MLXIP: variants seen among roughly 807,000 people sequenced by gnomAD.
The protein encoded by MLXIP is MLX interacting protein.
A neutral mutation model predicts 87.2 loss-of-function variants in MLXIP; 30 were observed. The observed-to-expected ratio is 0.34, with a 90% CI of 0.26 to 0.47. The LOEUF is 0.47. MLXIP is among the 20% of genes least tolerant of loss of function. The pLI, the probability that MLXIP is intolerant of heterozygous loss-of-function variation, is 1.00. For missense variants in MLXIP, 1,002 were observed against 1,240.1 expected, an observed-to-expected ratio of 0.81 and a Z score of 2.88; for synonymous variants, 530 against 514.0, an observed-to-expected ratio of 1.03 and a Z score of -0.42.
At position 122,133,931 on chromosome 12, in the gene MLXIP, C is replaced by G; in HGVS notation, c.1676C>G (p.Pro559Arg). The G allele has an allele frequency of 6.2e-7, 1 of 1,608,014 alleles. No individual in the cohort carries two copies. Among genetic ancestry groups the G allele is most frequent in the Admixed American group, 1.7e-5 (1 of 59,266 alleles). ...CCTAAGCAGCCCCACAAAATAGTGC[C>G]TGCTCCCAAACCAGAGCCCGTGTCC... ...GRPKQPHKIV[P>R]APKPEPVSLV... is the part of the protein sequence containing the mutation. The change falls in exon 9 of 17, where the codon CCT becomes CGT. Residue 559 changes from proline to arginine, a missense_variant. Pro to Arg is a moderately radical substitution (Grantham distance 103, BLOSUM62 -2). Coordinates refer to ENST00000319080, the MANE Select transcript of MLXIP (RefSeq NM_014938.6). The surrounding 1 kb of genome is among the most constrained non-coding windows in gnomAD (Gnocchi z 4.9).
chr12:122,141,148 T>A (rs1953195103), intron 16 of MLXIP, 65 bp downstream of exon 16: 1 of 1,536,328 alleles, frequency 6.5e-7, no homozygotes, highest in African/African-American at 1.4e-5. Context: ...AGCCCCAGGC[T>A]GAGGACAGTA....
In MLXIP at chr12:122,145,761, C is replaced by T. The variant is rs1187208172; in HGVS notation, c.*3949C>T. The T allele has an allele frequency of 1.3e-5, 2 of 152,566 alleles. No homozygotes were observed. Among genetic ancestry groups the T allele is most frequent in the East Asian group, 3.8e-4 (2 of 5,196 alleles). The allele number at this position is 152,566 out of a possible 1,614,324, so 9.5% of individuals were successfully genotyped here. A position where few individuals can be genotyped will look rare whatever the true frequency, so the allele number is the denominator to read the frequency against. On this transcript the variant is annotated 3_prime_UTR_variant, in exon 17 of 17. Coordinates refer to ENST00000319080, the MANE Select transcript of MLXIP (RefSeq NM_014938.6). ...GGGCCTGTCCCGGGCCAGTGGACCC[C>T]TGTGTGTGGGGGATTTGGGGTGCTG...
At chr12:122,093,941 G>GT (rs1263180563) in intron 1 of MLXIP, among the ~76,000 whole-genome samples, 3 of 132,306 alleles carry the variant, frequency 2.3e-5, no homozygotes, top group Non-Finnish European at 3.2e-5. Context: ...GTGGTGTGTG[G>GT]GGTGTGTTGG....
intron 1 of MLXIP, among the ~76,000 whole-genome samples, chr12:122,092,059 CCTTT>C (rs778673235): frequency 1.3e-5 from 2 of 151,756 alleles, no homozygotes; most frequent in African/African-American, 2.4e-5. Flanking sequence ...TTTTTTTTCC[CCTTT>C]CTTTTTCTTT....
At position 122,093,609 on chromosome 12, in the gene MLXIP, GGT is replaced by G. The variant is rs1444846809; in HGVS notation, c.413+14353_413+14354del. 8.4e-5 allele frequency among the ~76,000 whole-genome samples: 11 copies of G among 130,390 alleles called. 1 individual carries two copies. The highest frequency in any genetic ancestry group is 5.2e-4 in the South Asian group (2 of 3,840). 85.5% of individuals were successfully genotyped at this position (130,390 alleles called of 152,430 possible). A position where few individuals can be genotyped will look rare whatever the true frequency, so the allele number is the denominator to read the frequency against. ...GTTGGTGTGTATGGTGTGTGTTTGT[GGT>G]GTGTGTGTGGTGTGTGTGTTGGTGT... On this transcript the variant is annotated intron_variant, in intron 1 of 16. Transcript: ENST00000319080.
At chr12:122,141,217 C>A in intron 16 of MLXIP, 134 bp downstream of exon 16, 1 of 1,318,608 alleles carries the variant, frequency 7.6e-7, no homozygotes, top group Non-Finnish European at 1.0e-6. Context: ...CAGTGCTGTC[C>A]AGGAGGTCCT....
chr12:122,103,984 A>G (rs1234054175), intron 1 of MLXIP, among the ~76,000 whole-genome samples: 1 of 152,070 alleles, frequency 6.6e-6, no homozygotes, highest in East Asian at 1.9e-4. Flanking sequence ...CAAATTGTAC[A>G]CTTCAAATGA....
chr12:122,094,246 TTGGTG>T (rs1952306409), intron 1 of MLXIP, among the ~76,000 whole-genome samples: 2 of 89,502 alleles, frequency 2.2e-5, no homozygotes, highest in South Asian at 8.2e-4. Context: ...TGGTGTGGTA[TTGGTG>T]TGTGTGTTGG....
chr12:122,107,781 G>A (rs1001782556), intron 1 of MLXIP, among the ~76,000 whole-genome samples: 5 of 152,094 alleles, frequency 3.3e-5, no homozygotes, highest in East Asian at 3.9e-4. Flanking sequence ...TGTCTTTTCC[G>A]AGTTGGCCCT....
Position 122,133,123 on chromosome 12 carries a change from C to T in MLXIP, c.1093-225C>T. ...TAGCCAGCTGTGTGAGGGCCGTTGC[C>T]TTATCTGAGCTCTGAGTTATTTAGT... On this transcript the variant is annotated intron_variant, in intron 8 of 16. Transcript: ENST00000319080. This position sits in a 1 kb window ranked among gnomAD's most constrained non-coding sequence, Gnocchi z 4.9. 1 of 476,178 alleles carries T rather than the reference C, an allele frequency of 2.1e-6. No homozygotes were observed. Among genetic ancestry groups the T allele is most frequent in the Non-Finnish European group, 3.6e-6 (1 of 276,610 alleles). 29.5% of individuals were successfully genotyped at this position (476,178 alleles called of 1,614,324 possible). A position where few individuals can be genotyped will look rare whatever the true frequency, so the allele number is the denominator to read the frequency against.
intron 1 of MLXIP, among the ~76,000 whole-genome samples, chr12:122,097,850 C>CT (rs1476871265): frequency 6.6e-6 from 1 of 151,838 alleles, no homozygotes; most frequent in Non-Finnish European, 1.5e-5. Flanking sequence ...ATGGGTTCCC[C>CT]CTCCCCACAA....
Position 122,141,905 on chromosome 12 carries a change from A to T in MLXIP, c.*93A>T. The T allele has an allele frequency of 6.5e-7, 1 of 1,545,572 alleles. No homozygotes were observed. On this transcript the variant is annotated 3_prime_UTR_variant, in exon 17 of 17. Transcript: ENST00000319080. ...CGCCCCCCAGCCCTTCCTGACGCTC[A>T]GCCTCGGGGCCTCTCTCCAACTCTG... is the stretch of plus-strand genomic sequence containing the variant.
intron 1 of MLXIP, among the ~76,000 whole-genome samples, chr12:122,103,696 T>TC (rs2135930550): frequency 1.4e-5 from 2 of 143,866 alleles, no homozygotes; most frequent in Admixed American, 1.4e-4. Context: ...ATTTTTGTAT[T>TC]TTTTTTTTTT....
chr12:122,128,307 C>T (rs1490718704), intron 3 of MLXIP: 1 of 196,032 alleles, frequency 5.1e-6, no homozygotes, highest in Non-Finnish European at 1.0e-5. Flanking sequence ...TCAGGAACCT[C>T]TGGGGAGTAG....
At chr12:122,096,138 T>A (rs1241379129) in intron 1 of MLXIP, among the ~76,000 whole-genome samples, 1 of 151,948 alleles carries the variant, frequency 6.6e-6, no homozygotes, top group Non-Finnish European at 1.5e-5. Flanking sequence ...GCTGCAAATG[T>A]GTGATCATAG....
intron 15 of MLXIP, among the ~76,000 whole-genome samples, chr12:122,140,165 C>T (rs760200585): frequency 1.3e-5 from 2 of 152,182 alleles, no homozygotes; most frequent in African/African-American, 4.8e-5. Context: ...CTGTGAGTGC[C>T]GTCCTGATCA....
At chr12:122,139,403 GC>G (rs1485142450) in intron 15 of MLXIP, among the ~76,000 whole-genome samples, 1 of 152,194 alleles carries the variant, frequency 6.6e-6, no homozygotes, top group Non-Finnish European at 1.5e-5. Flanking sequence ...ACCTCTAGGG[GC>G]TCTCGTGCCA....
chr12:122,120,970 G>GAAACCTATA lies in MLXIP; in HGVS notation c.414-6285_414-6284insAACCTATAA, dbSNP rs1224717736. On this transcript the variant is annotated intron_variant, in intron 1 of 16. Coordinates refer to ENST00000319080, the MANE Select transcript of MLXIP (RefSeq NM_014938.6). ...AATGAATGGGCTCCACCACTGTTCT[G>GAAACCTATA]AGACCTATAACGATAGCCCCAGAGC... Among the ~76,000 whole-genome samples the GAAACCTATA allele has an allele frequency of 3.4e-5, 5 of 146,542 alleles. No individual in the cohort carries two copies. In the Admixed American group the frequency reaches 3.4e-4, roughly 10 times the overall value.
intron 1 of MLXIP, among the ~76,000 whole-genome samples, chr12:122,120,051 A>T (rs1952754915): frequency 6.6e-6 from 1 of 152,212 alleles, no homozygotes; most frequent in East Asian, 1.9e-4. Context: ...CCAAAGGTGG[A>T]TACGACCTGT....
Sources: gnomAD v4.1 joint callset for allele counts (sites outside exome capture counted in the v4.1 genomes callset) on GRCh38, gnomAD v4.1.1 for gene constraint, Gnocchi (gnomAD v3.1) non-coding constraint, MANE v1.5 for transcripts, NCBI Gene and HGNC (gene_info 2026-07-23, HGNC 2026-07-21) for gene names.